The following TOM1 variants were observed in gnomAD, a reference collection of about 807,000 sequenced individuals.
TOM1 encodes the protein target of Myb protein 1.
TOM1 carries 38 observed loss-of-function variants against 61.3 expected under a neutral mutation model. That is an observed-to-expected ratio of 0.62 (90% confidence interval 0.48 to 0.81). TOM1 has a LOEUF of 0.81. Ranked by LOEUF, TOM1 falls within the 40% of genes least tolerant of loss-of-function variation. The pLI is 0.00. For missense variants in TOM1, 591 were observed against 659.6 expected, an observed-to-expected ratio of 0.90 and a Z score of 1.14; for synonymous variants, 270 against 268.8, an observed-to-expected ratio of 1.00 and a Z score of -0.04.
chr22:35,302,329 T>C (rs1925883257), intron 1 of TOM1, among the ~76,000 whole-genome samples: 2 of 123,182 alleles, frequency 1.6e-5, no homozygotes. Context: ...TTTTTCTTTT[T>C]CTTTTTTTTT....
At chr22:35,346,092 G>A (rs1227908317) in intron 13 of TOM1, among the ~76,000 whole-genome samples, 1 of 152,222 alleles carries the variant, frequency 6.6e-6, no homozygotes, top group Non-Finnish European at 1.5e-5. Flanking sequence ...GCATAACAGC[G>A]CCAGGCTCTT....
intron 1 of TOM1, 101 bp downstream of exon 1, chr22:35,300,081 C>G: frequency 7.3e-7 from 1 of 1,373,008 alleles, no homozygotes; most frequent in Non-Finnish European, 1.0e-6. Flanking sequence ...GCAGGGAGGG[C>G]AAGGAGGCTG....
At chr22:35,339,531 G>A (rs1226290215) in intron 12 of TOM1, among the ~76,000 whole-genome samples, 2 of 152,184 alleles carry the variant, frequency 1.3e-5, no homozygotes, top group African/African-American at 2.4e-5. Flanking sequence ...TTTACATGGA[G>A]TTAGAGCCCG....
intron 1 of TOM1, among the ~76,000 whole-genome samples, chr22:35,311,857 G>T (rs974536274): frequency 6.6e-6 from 1 of 152,214 alleles, no homozygotes; most frequent in Non-Finnish European, 1.5e-5. Context: ...GGCTGTCATT[G>T]TTCTCCATGA....
At chr22:35,321,351 T>C (rs893480839) in intron 2 of TOM1, among the ~76,000 whole-genome samples, 5 of 151,902 alleles carry the variant, frequency 3.3e-5, no homozygotes, top group African/African-American at 1.2e-4. Flanking sequence ...CTTTTTTTTT[T>C]TGAATGTCCT....
rs746887313 is a variant in TOM1, at chr22:35,345,706, C to A, written c.1225-19C>A. ...CTTGTCACCTAGGGCACTGCCTTACCCTCTGCCCTTCCTTCCAGATCCCAG... is the reference window on the plus strand; with the variant it reads ...CTTGTCACCTAGGGCACTGCCTTACACTCTGCCCTTCCTTCCAGATCCCAG... On this transcript the variant is annotated intron_variant, in intron 12 of 14. Coordinates refer to ENST00000449058, the MANE Select transcript of TOM1 (RefSeq NM_005488.3). 1.7e-5 allele frequency: 28 copies of A among 1,613,194 alleles called. No homozygotes were observed. Among genetic ancestry groups the A allele is most frequent in the African/African-American group, 2.7e-5 (2 of 74,926 alleles).
chr22:35,322,005 A>G lies in TOM1; in HGVS notation c.184A>G (p.Lys62Glu). 2 of 1,614,170 alleles carry G rather than the reference A, an allele frequency of 1.2e-6. No homozygotes were observed. The highest frequency in any genetic ancestry group is 1.7e-6 in the Non-Finnish European group (2 of 1,180,028). ...AGTAAAGAAGAGAATCGTGGGGAATAAGAACTTCCACGAGGTGATGCTGGC... is the reference window on the plus strand; with the variant it reads ...AGTAAAGAAGAGAATCGTGGGGAATGAGAACTTCCACGAGGTGATGCTGGC... ...RAVKKRIVGN[K>E]NFHEVMLALT... The change falls in exon 3 of 15, where the codon AAG (lysine) becomes GAG (glutamate). Residue 62 changes from lysine (K) to glutamate (E), a missense_variant. Coordinates refer to ENST00000449058, the MANE Select transcript of TOM1 (RefSeq NM_005488.3).
intron 1 of TOM1, among the ~76,000 whole-genome samples, chr22:35,315,393 G>T (rs186845291): frequency 6.6e-6 from 1 of 152,144 alleles, no homozygotes; most frequent in African/African-American, 2.4e-5. Context: ...ACTAACCCCC[G>T]CCCCAAAACC....
chr22:35,309,340 A>G (rs1926616653), intron 1 of TOM1, among the ~76,000 whole-genome samples: 1 of 152,016 alleles, frequency 6.6e-6, no homozygotes, highest in Non-Finnish European at 1.5e-5. Flanking sequence ...CATCTCACCG[A>G]TTCCCCCTTA....
intron 11 of TOM1, among the ~76,000 whole-genome samples, chr22:35,337,987 C>T (rs909762842): frequency 4.3e-4 from 65 of 152,326 alleles, no homozygotes; most frequent in Non-Finnish European, 9.0e-4. Flanking sequence ...TCCTCTCACT[C>T]AGGTTATTCT....
In TOM1 at chr22:35,347,415, G is replaced by A; in HGVS notation, c.*206G>A. The A allele has an allele frequency of 4.0e-6, 2 of 499,800 alleles. No homozygotes were observed. Among genetic ancestry groups the A allele is most frequent in the South Asian group, 7.3e-5 (2 of 27,294 alleles). 31.0% of individuals were successfully genotyped at this position (499,800 alleles called of 1,614,324 possible). A position where few individuals can be genotyped will look rare whatever the true frequency, so the allele number is the denominator to read the frequency against. On this transcript the variant is annotated 3_prime_UTR_variant, in exon 15 of 15. Transcript: ENST00000449058. ...TGGGGGACAGGTCTGCGCTGCAGTG[G>A]GATCTGGCTGCTCTGCCTCCTTTCC...
chr22:35,323,251 C>T lies in TOM1; in HGVS notation c.366+74C>T, dbSNP rs1927987384. On this transcript the variant is annotated intron_variant, in intron 4 of 14. Transcript: ENST00000449058. This position sits in a 1 kb window ranked among gnomAD's most constrained non-coding sequence, Gnocchi z 4.2. ...AGGAGCTTCCTGCCCAGTGGAGAGT[C>T]GAGGCCATCGTGTTTGTCCCAGGCT... is the stretch of plus-strand genomic sequence containing the variant. 4.5e-6 allele frequency: 7 copies of T among 1,557,350 alleles called. No homozygotes were observed. The highest frequency in any genetic ancestry group is 2.3e-5 in the East Asian group (1 of 44,428).
In TOM1 at chr22:35,323,185, C is replaced by T. The variant is rs1191911403; in HGVS notation, c.366+8C>T. On this transcript the variant is annotated splice_region_variant and intron_variant, in intron 4 of 14. Coordinates refer to ENST00000449058, the MANE Select transcript of TOM1 (RefSeq NM_005488.3). This position sits in a 1 kb window ranked among gnomAD's most constrained non-coding sequence, Gnocchi z 4.2. ...GTGCTCAACCTCATCCAGGTGAGTG[C>T]CAGGACAGGGCAGGGCACGGCCAGG... 3 of 1,613,126 alleles carry T rather than the reference C, an allele frequency of 1.9e-6. No individual in the cohort carries two copies.
At chr22:35,304,201 G>A (rs953028810) in intron 1 of TOM1, among the ~76,000 whole-genome samples, 11 of 151,970 alleles carry the variant, frequency 7.2e-5, no homozygotes, top group Non-Finnish European at 1.5e-4. Context: ...ACACTGCCTC[G>A]AGCTGCCCAG....
chr22:35,307,226 T>G lies in TOM1; in HGVS notation c.52+7246T>G, dbSNP rs1926399260. On this transcript the variant is annotated intron_variant, in intron 1 of 14. Transcript: ENST00000449058. ...TGTGTCTACCCCCATGCCACCTTCA[T>G]TATTATTTTCGTAGGGTTTTCTTTT... Among the ~76,000 whole-genome samples the G allele has an allele frequency of 3.3e-5, 5 of 152,198 alleles. No individual in the cohort carries two copies. The South Asian group carries it at 1.0e-3, about 31-fold the overall frequency.
At chr22:35,327,442 C>T in intron 7 of TOM1, 55 bp downstream of exon 7, 1 of 1,245,294 alleles carries the variant, frequency 8.0e-7, no homozygotes, top group Non-Finnish European at 1.2e-6. Flanking sequence ...CAGCTGCCCA[C>T]ATGCATTCTT....
intron 1 of TOM1, among the ~76,000 whole-genome samples, chr22:35,315,186 G>T (rs559925778): frequency 6.6e-6 from 1 of 152,108 alleles, no homozygotes; most frequent in African/African-American, 2.4e-5. Context: ...GATGGTGGCC[G>T]GGCTGGGGCA....
intron 1 of TOM1, among the ~76,000 whole-genome samples, chr22:35,312,705 G>T (rs1440818405): frequency 6.6e-6 from 1 of 152,196 alleles, no homozygotes; most frequent in Non-Finnish European, 1.5e-5. Context: ...ATGAGCATGT[G>T]AACTGGATGA....
chr22:35,345,982 C>T (rs562850459), intron 13 of TOM1, among the ~76,000 whole-genome samples, 198 bp downstream of exon 13: 16 of 152,360 alleles, frequency 1.1e-4, no homozygotes, highest in African/African-American at 2.9e-4. Flanking sequence ...GCACAGTAGC[C>T]TCTCGGCTGC....
Sources: gnomAD v4.1 joint callset for allele counts (sites outside exome capture counted in the v4.1 genomes callset) on GRCh38, gnomAD v4.1.1 for gene constraint, Gnocchi (gnomAD v3.1) non-coding constraint, MANE v1.5 for transcripts, NCBI Gene and HGNC (gene_info 2026-07-23, HGNC 2026-07-21) for gene names.